IQCM: variants seen among roughly 807,000 people sequenced by gnomAD.
The protein encoded by IQCM is IQ motif containing M, also known as IQ domain-containing protein M.
A neutral mutation model predicts 57.6 loss-of-function variants in IQCM; 45 were observed. The observed-to-expected ratio is 0.78, with a 90% confidence interval of 0.62 to 1.00. IQCM has a LOEUF of 1.00. Ranked by LOEUF, IQCM falls within the 50% of genes least tolerant of loss-of-function variation. The probability of loss-of-function intolerance (pLI) is 0.00; values close to 1 mark genes in which losing one functional copy is unlikely to be tolerated. For missense variants in IQCM, 468 were observed against 511.6 expected (o/e 0.91, Z 0.82); for synonymous variants, 148 against 158.9 (o/e 0.93, Z 0.51).
chr4:149,551,849 AT>A (rs1254442199), intron 11 of IQCM, among the ~76,000 whole-genome samples: 3 of 149,250 alleles, frequency 2.0e-5, no homozygotes, highest in African/African-American at 7.5e-5. Context: ...TAGCTTCTTA[AT>A]GGGAGAAGGA....
intron 5 of IQCM, among the ~76,000 whole-genome samples, chr4:149,708,815 C>G (rs1476973613): frequency 6.6e-6 from 1 of 152,026 alleles, no homozygotes; most frequent in Non-Finnish European, 1.5e-5. Flanking sequence ...GCTTGCCAAA[C>G]TATAATATGT....
At chr4:149,735,294 G>A (rs1161411642) in intron 4 of IQCM, 82 bp downstream of exon 4, 1 of 556,800 alleles carries the variant, frequency 1.8e-6, no homozygotes, top group African/African-American at 1.9e-5. Flanking sequence ...TCATATCTTA[G>A]GGTTTATGCA....
chr4:149,368,147 C>G (rs539062750), intron 13 of IQCM, among the ~76,000 whole-genome samples: 87 of 151,864 alleles, frequency 5.7e-4, no homozygotes, highest in African/African-American at 1.9e-3. Context: ...CTTTTATATT[C>G]TTTATTAAGA....
intron 12 of IQCM, among the ~76,000 whole-genome samples, chr4:149,454,958 G>C (rs1412724276): frequency 6.6e-6 from 1 of 151,908 alleles, no homozygotes; most frequent in Non-Finnish European, 1.5e-5. Context: ...ATGGTTGCAC[G>C]ACTCTGTGAA....
At chr4:149,614,748 T>C (rs1755630063) in intron 8 of IQCM, among the ~76,000 whole-genome samples, 1 of 152,098 alleles carries the variant, frequency 6.6e-6, no homozygotes, top group African/African-American at 2.4e-5. Context: ...CGCCAAAAAA[T>C]CTGATAGTGT....
Position 149,803,962 on chromosome 4 carries a change from CA to C in IQCM, c.-49+11348del, listed in dbSNP as rs1773848922. Among the ~76,000 whole-genome samples, 4 of 152,004 alleles carry C rather than the reference CA, an allele frequency of 2.6e-5. No individual in the cohort carries two copies. In the South Asian group the frequency reaches 8.3e-4, roughly 32 times the overall value. ...GCCTCTGCCCTTGGGTTGTGATCTTCAAAAGTGCTTCTTAGCTTCTCCCTCC... is the reference window on the plus strand; with the variant it reads ...GCCTCTGCCCTTGGGTTGTGATCTTCAAAGTGCTTCTTAGCTTCTCCCTCC... On this transcript the variant is annotated intron_variant, in intron 2 of 13. Transcript: ENST00000636793.
At chr4:149,427,043 G>T (rs761198964) in intron 13 of IQCM, among the ~76,000 whole-genome samples, 1 of 151,800 alleles carries the variant, frequency 6.6e-6, no homozygotes, top group African/African-American at 2.4e-5. Flanking sequence ...TTTTATTTCA[G>T]ATACTGAGAG....
At chr4:149,744,982 G>A (rs561730051) in intron 2 of IQCM, among the ~76,000 whole-genome samples, 12 of 152,202 alleles carry the variant, frequency 7.9e-5, no homozygotes, top group South Asian at 2.1e-4. Flanking sequence ...CAACATCACC[G>A]AGGCCTGAGA....
intron 7 of IQCM, among the ~76,000 whole-genome samples, chr4:149,661,966 C>T (rs148528364): frequency 3.9e-4 from 59 of 151,830 alleles, no homozygotes; most frequent in Non-Finnish European, 5.9e-5. Context: ...TTTATTATTT[C>T]CTCCCTTCTA....
chr4:149,466,980 T>G (rs190792490), intron 12 of IQCM, among the ~76,000 whole-genome samples: 142 of 152,310 alleles, frequency 9.3e-4, no homozygotes, highest in Middle Eastern at 3.4e-3. Flanking sequence ...CCTCATGACC[T>G]AATTACTTTC....
chr4:149,434,346 C>A (rs555899126), intron 12 of IQCM, among the ~76,000 whole-genome samples: 2 of 151,996 alleles, frequency 1.3e-5, no homozygotes, highest in African/African-American at 4.8e-5. Context: ...AATTGCACAG[C>A]GAAAAATCTC....
At chr4:149,439,976 A>T (rs1735758703) in intron 12 of IQCM, among the ~76,000 whole-genome samples, 1 of 139,900 alleles carries the variant, frequency 7.1e-6, no homozygotes. Context: ...TTTTTTTTTG[A>T]GACAGAGTTT....
intron 7 of IQCM, among the ~76,000 whole-genome samples, chr4:149,650,090 T>A (rs1397530398): frequency 1.3e-5 from 2 of 152,154 alleles, no homozygotes; most frequent in African/African-American, 4.8e-5. Context: ...CAAAAAGATA[T>A]GTTGACGTTC....
At chr4:149,583,404 T>C (rs1294425538) in intron 9 of IQCM, among the ~76,000 whole-genome samples, 2 of 151,598 alleles carry the variant, frequency 1.3e-5, no homozygotes. Flanking sequence ...TTTAATATTA[T>C]GAGTCAACAA....
At chr4:149,597,524 G>A (rs1172996667) in intron 8 of IQCM, among the ~76,000 whole-genome samples, 1 of 152,030 alleles carries the variant, frequency 6.6e-6, no homozygotes, top group African/African-American at 2.4e-5. Context: ...CCGAGTAGCT[G>A]GGATTACAGG....
Position 149,626,392 on chromosome 4 carries a change from C to CATATAT in IQCM, c.566-5154_566-5149dup, listed in dbSNP as rs371051488. Reference sequence around the variant, plus strand: ...GATTGTGTTAGTTATACTTAATAAACATATATATATATAAGTTTATAGCAA... The same window carrying CATATAT: ...GATTGTGTTAGTTATACTTAATAAACATATATATATATATATATAAGTTTATAGCAA... On this transcript the variant is annotated intron_variant, in intron 7 of 13. Transcript: ENST00000636793. Among the ~76,000 whole-genome samples the CATATAT allele has an allele frequency of 9.7e-4, 117 of 120,564 alleles. 9 individuals carry two copies. The highest frequency in any genetic ancestry group is 1.6e-3 in the African/African-American group (53 of 32,202). The allele number at this position is 120,564 out of a possible 152,430, so 79.1% of individuals were successfully genotyped here.
At chr4:149,803,059 T>C (rs531144964) in intron 2 of IQCM, among the ~76,000 whole-genome samples, 1 of 152,110 alleles carries the variant, frequency 6.6e-6, no homozygotes, top group East Asian at 1.9e-4. Flanking sequence ...ACAGATGCAG[T>C]AACTTGCCCA....
In IQCM at chr4:149,563,802, C is replaced by T; in HGVS notation, c.838G>A (p.Glu280Lys). The T allele has an allele frequency of 8.1e-7, 1 of 1,231,858 alleles. No homozygotes were observed. Among genetic ancestry groups the T allele is most frequent in the Non-Finnish European group, 1.0e-6 (1 of 987,834 alleles). 76.3% of individuals were successfully genotyped at this position (1,231,858 alleles called of 1,614,324 possible). The change falls in exon 10 of 14, where the codon GAA becomes AAA. Residue 280 changes from glutamate to lysine, a missense_variant. Transcript: ENST00000636793. Reference sequence around the variant, plus strand: ...GGGGTAATCATGAATTTTTTTCTTTCTCGGAACACTTGGAAGATTTCTATG... The same window carrying T: ...GGGGTAATCATGAATTTTTTTCTTTTTCGGAACACTTGGAAGATTTCTATG... ...PHIEIFQVFR[E>K]RKKFMITPKL...
intron 12 of IQCM, among the ~76,000 whole-genome samples, chr4:149,504,488 C>G (rs1743584869): frequency 6.6e-6 from 1 of 152,110 alleles, no homozygotes; most frequent in Admixed American, 6.6e-5. Context: ...ACACCCACCC[C>G]CCATGACCCC....
Sources: gnomAD v4.1 joint callset for allele counts (sites outside exome capture counted in the v4.1 genomes callset) on GRCh38, gnomAD v4.1.1 for gene constraint, MANE v1.5 for transcripts, NCBI Gene and HGNC (gene_info 2026-07-23, HGNC 2026-07-21) for gene names.